Variants in FSTL1 observed in about 807,000 individuals in gnomAD.
The protein encoded by FSTL1 is follistatin-related protein 1.
In FSTL1, 24 loss-of-function variants were observed where a neutral mutation model predicts 45.9. The observed-to-expected ratio is 0.52, with a 90% CI of 0.38 to 0.74. FSTL1 has a LOEUF of 0.74. FSTL1 is among the 30% of genes least tolerant of loss of function. The pLI is 0.00. For synonymous variants in FSTL1, 120 were observed against 137.6 expected (o/e 0.87, Z 0.89); for missense variants, 340 against 381.8 (o/e 0.89, Z 0.91).
intron 10 of FSTL1, among the ~76,000 whole-genome samples, chr3:120,399,215 G>A (rs1222983286): frequency 6.6e-6 from 1 of 151,846 alleles, no homozygotes; most frequent in Non-Finnish European, 1.5e-5. Flanking sequence ...GTAGGAGGAT[G>A]GGCCAGGAGT....
At chr3:120,418,285 T>C (rs1216872560) in intron 2 of FSTL1, among the ~76,000 whole-genome samples, 3 of 152,210 alleles carry the variant, frequency 2.0e-5, no homozygotes, top group Non-Finnish European at 2.9e-5. Flanking sequence ...GATGAGGAAA[T>C]TGAAGACCAG....
At chr3:120,447,673 A>G (rs1194049348) in intron 2 of FSTL1, among the ~76,000 whole-genome samples, 1 of 152,166 alleles carries the variant, frequency 6.6e-6, no homozygotes, top group Non-Finnish European at 1.5e-5. Context: ...TTTAAATACA[A>G]GGTTTCACTC....
At chr3:120,427,514 T>G (rs1262536170) in intron 2 of FSTL1, among the ~76,000 whole-genome samples, 2 of 152,176 alleles carry the variant, frequency 1.3e-5, no homozygotes, top group Non-Finnish European at 2.9e-5. Flanking sequence ...ACAACACCTG[T>G]GCCAACTCCT....
intron 2 of FSTL1, among the ~76,000 whole-genome samples, chr3:120,439,811 T>C (rs1392263629): frequency 6.6e-6 from 1 of 152,126 alleles, no homozygotes; most frequent in African/African-American, 2.4e-5. Context: ...AACAAAGAAA[T>C]TGCCTTAAAA....
At chr3:120,448,293 CATG>C (rs1475174884) in intron 2 of FSTL1, among the ~76,000 whole-genome samples, 4 of 152,168 alleles carry the variant, frequency 2.6e-5, no homozygotes, top group African/African-American at 9.7e-5. Context: ...CTGTAAATAT[CATG>C]ATGTGACCAT....
At chr3:120,450,867 C>T (rs1292255860) in intron 1 of FSTL1, 30 bp downstream of exon 1, 6 of 620,464 alleles carry the variant, frequency 9.7e-6, no homozygotes, top group African/African-American at 2.0e-5. Flanking sequence ...CCGAAGAGTC[C>T]GGCCTCCGCG....
intron 6 of FSTL1, among the ~76,000 whole-genome samples, chr3:120,408,034 G>A (rs1444279048): frequency 2.0e-5 from 3 of 152,218 alleles, no homozygotes; most frequent in South Asian, 2.1e-4. Flanking sequence ...TGGTTACAAC[G>A]TCCTAAGTGG....
chr3:120,393,726 T>A lies in FSTL1; in HGVS notation c.*3226A>T, dbSNP rs879207380. On this transcript the variant is annotated 3_prime_UTR_variant, in exon 11 of 11. Transcript: ENST00000295633. ...TCCCCCAAAATTCATATGTTAAAAT[T>A]GAATCCCCAAAGCAATGGTATTGAG... 3 of 152,168 alleles carry A rather than the reference T, an allele frequency of 2.0e-5. No homozygotes were observed. The South Asian group carries it at 6.2e-4, about 31-fold the overall frequency. 9.4% of individuals were successfully genotyped at this position (152,168 alleles called of 1,614,324 possible).
rs546031559 is a variant in FSTL1, at chr3:120,416,585, T to C, written c.64-558A>G. 3.9e-5 allele frequency among the ~76,000 whole-genome samples: 6 copies of C among 152,262 alleles called. No homozygotes were observed. The South Asian group carries it at 6.2e-4, about 16-fold the overall frequency. On this transcript the variant is annotated intron_variant, in intron 2 of 10. Coordinates refer to ENST00000295633, the MANE Select transcript of FSTL1 (RefSeq NM_007085.5). ...GTAAGTCAGGCAGAAATGGAAACAT[T>C]GTACAGAACTATGACTATCTGAAGG...
At chr3:120,412,061 A>ATG in intron 3 of FSTL1, 78 bp from the exon 4 acceptor site, 1 of 819,526 alleles carries the variant, frequency 1.2e-6, no homozygotes, top group Non-Finnish European at 1.9e-6. Context: ...ATACATGCAC[A>ATG]CACACACACA....
chr3:120,407,623 T>C (rs1381533429), intron 6 of FSTL1, among the ~76,000 whole-genome samples: 3 of 152,194 alleles, frequency 2.0e-5, no homozygotes, highest in Non-Finnish European at 4.4e-5. Flanking sequence ...AACAGTCTCT[T>C]TGAGATATCA....
chr3:120,413,337 C>A (rs1937109008), intron 3 of FSTL1, among the ~76,000 whole-genome samples: 2 of 152,152 alleles, frequency 1.3e-5, no homozygotes, highest in Admixed American at 1.3e-4. Context: ...GGGCAACGGG[C>A]AAAACCAAAT....
At chr3:120,416,564 G>C (rs1275452149) in intron 2 of FSTL1, among the ~76,000 whole-genome samples, 2 of 152,232 alleles carry the variant, frequency 1.3e-5, no homozygotes, top group Admixed American at 1.3e-4. Context: ...AGAGGAGTAA[G>C]TCAGGCAGAA....
At chr3:120,449,069 T>C in intron 2 of FSTL1, among the ~76,000 whole-genome samples, 1 of 152,092 alleles carries the variant, frequency 6.6e-6, no homozygotes, top group Admixed American at 6.5e-5. Flanking sequence ...CATCAGCCAG[T>C]GAAGGGGGAT....
At chr3:120,448,923 GTGATT>G in intron 2 of FSTL1, among the ~76,000 whole-genome samples, 1 of 152,330 alleles carries the variant, frequency 6.6e-6, no homozygotes, top group African/African-American at 2.4e-5. Context: ...AGTTCACTGA[GTGATT>G]TCACACACTG....
In FSTL1 at chr3:120,395,952, A is replaced by C. The variant is rs1485993743; in HGVS notation, c.*1000T>G. Reference sequence around the variant, plus strand: ...TTGCCTCAACTTCTCAGAATAAATAAAAACAAATTAATGTTTGGATCTTGA... The same window carrying C: ...TTGCCTCAACTTCTCAGAATAAATACAAACAAATTAATGTTTGGATCTTGA... On this transcript the variant is annotated 3_prime_UTR_variant, in exon 11 of 11. Coordinates refer to ENST00000295633, the MANE Select transcript of FSTL1 (RefSeq NM_007085.5). The C allele has an allele frequency of 3.3e-6, 1 of 303,794 alleles. No individual in the cohort carries two copies. Among genetic ancestry groups the C allele is most frequent in the Non-Finnish European group, 6.3e-6 (1 of 158,456 alleles). 18.8% of individuals were successfully genotyped at this position (303,794 alleles called of 1,614,324 possible). A position where few individuals can be genotyped will look rare whatever the true frequency, so the allele number is the denominator to read the frequency against.
At chr3:120,413,126 G>A (rs1937105211) in intron 3 of FSTL1, among the ~76,000 whole-genome samples, 1 of 152,148 alleles carries the variant, frequency 6.6e-6, no homozygotes, top group Non-Finnish European at 1.5e-5. Context: ...GACTTCTATG[G>A]TTTTTAAAGG....
Position 120,403,353 on chromosome 3 carries a change from C to T in FSTL1, c.583G>A (p.Gly195Arg). ...PDQENNKLLR[G>R]LCVDALIELS... ...TCAATGAGAGCATCAACACAGAGTC[C>T]CCTGAAACAAAACACAGGAGAAATG... is the stretch of plus-strand genomic sequence containing the variant. The change falls in exon 8 of 11, where the codon GGA becomes AGA. Residue 195 changes from glycine to arginine, a missense_variant and splice_region_variant. Transcript: ENST00000295633. 6.4e-7 allele frequency: 1 copy of T among 1,570,068 alleles called. No homozygotes were observed.
intron 3 of FSTL1, among the ~76,000 whole-genome samples, chr3:120,412,833 C>CGT (rs1559737043): frequency 3.9e-5 from 3 of 77,276 alleles, no homozygotes; most frequent in Admixed American, 2.3e-4. Flanking sequence ...CGCGCGCGCG[C>CGT]GCGCGCACAC....
Sources: gnomAD v4.1 joint callset for allele counts (sites outside exome capture counted in the v4.1 genomes callset) on GRCh38, gnomAD v4.1.1 for gene constraint, MANE v1.5 for transcripts, NCBI Gene and HGNC (gene_info 2026-07-23, HGNC 2026-07-21) for gene names.